CDKL5: variants seen among roughly 807,000 people sequenced by gnomAD.
CDKL5 encodes cyclin dependent kinase like 5, also known as cyclin-dependent kinase-like 5.
A neutral mutation model predicts 61.7 loss-of-function variants in CDKL5; 8 were observed. The observed-to-expected ratio is 0.13, with a 90% CI of 0.08 to 0.23. CDKL5 has a LOEUF of 0.23. Among genes scored for constraint, CDKL5 ranks in the 10% least tolerant of loss-of-function variants. The probability of loss-of-function intolerance (pLI) is 1.00; values close to 1 mark genes in which losing one functional copy is unlikely to be tolerated. For synonymous variants in CDKL5, 275 were observed against 272.3 expected (o/e 1.01, Z -0.10); for missense variants, 440 against 734.5 (o/e 0.60, Z 4.63).
intron 1 of CDKL5, among the ~76,000 whole-genome samples, chrX:18,432,667 G>A (rs1230098269): frequency 9.8e-6 from 1 of 102,333 alleles, no homozygotes; most frequent in Non-Finnish European, 2.0e-5. Flanking sequence ...GTGCAGTGGT[G>A]TGATCACGGC....
intron 1 of CDKL5, among the ~76,000 whole-genome samples, chrX:18,448,034 C>G (rs1329829798): frequency 1.8e-5 from 2 of 110,748 alleles, no homozygotes; most frequent in Non-Finnish European, 3.8e-5. Flanking sequence ...TTACATGCAT[C>G]AGCCACCATG....
Position 18,632,613 on chromosome X carries a change from G to T in CDKL5, c.*3856G>T, listed in dbSNP as rs1447511173. 1.3e-6 allele frequency: 1 copy of T among 753,276 alleles called. No individual in the cohort carries two copies. Among genetic ancestry groups the T allele is most frequent in the Non-Finnish European group, 1.6e-6 (1 of 639,219 alleles). 62.1% of individuals were successfully genotyped at this position (753,276 alleles called of 1,213,427 possible). On this transcript the variant is annotated 3_prime_UTR_variant, in exon 18 of 18. Coordinates refer to ENST00000623535, the MANE Select transcript of CDKL5 (RefSeq NM_001323289.2). ...TAGAAGTATTTGTGCTGTATGCTTTGGTTAAATCTGTTTTAAAACATGCTT... is the reference window on the plus strand; with the variant it reads ...TAGAAGTATTTGTGCTGTATGCTTTTGTTAAATCTGTTTTAAAACATGCTT...
intron 3 of CDKL5, among the ~76,000 whole-genome samples, chrX:18,549,097 A>G (rs1459177860): frequency 8.9e-6 from 1 of 111,886 alleles, no homozygotes; most frequent in African/African-American, 3.2e-5. Context: ...ATTTATTACC[A>G]TTTTTGCTCT....
intron 3 of CDKL5, among the ~76,000 whole-genome samples, chrX:18,513,110 C>T (rs1356250761): frequency 3.6e-5 from 4 of 111,957 alleles, no homozygotes; most frequent in Non-Finnish European, 7.5e-5. Context: ...AATGTTTTCT[C>T]CTAGTCATTG....
At chrX:18,641,014 G>GA (rs1022702275), downstream of CDKL5, 11 of 112,723 alleles carry the variant, frequency 9.8e-5, no homozygotes, top group African/African-American at 3.5e-4. Flanking sequence ...AGCTTTCAGG[G>GA]AAAAAGCTAC....
At chrX:18,430,334 A>C (rs1348722548) in intron 1 of CDKL5, among the ~76,000 whole-genome samples, 1 of 112,440 alleles carries the variant, frequency 8.9e-6, no homozygotes, top group Non-Finnish European at 1.9e-5. Context: ...TGGCTTAGAT[A>C]TACCCTTGAA....
chrX:18,545,596 T>A (rs1924163000), intron 3 of CDKL5, among the ~76,000 whole-genome samples: 2 of 112,561 alleles, frequency 1.8e-5, no homozygotes, highest in African/African-American at 3.2e-5. Context: ...TGTTTAAGTT[T>A]TTTCGTTCAT....
Position 18,631,251 on chromosome X carries a change from C to T in CDKL5, c.*2494C>T, listed in dbSNP as rs1282669058. ...GTCAATACGTACTTTTTGTACTTTC[C>T]CAGATTTGAGCCAGAAAATACCTAC... is the stretch of plus-strand genomic sequence containing the variant. On this transcript the variant is annotated 3_prime_UTR_variant, in exon 18 of 18. Transcript: ENST00000623535. The T allele has an allele frequency of 2.7e-6, 2 of 753,850 alleles. No individual in the cohort carries two copies. The highest frequency in any genetic ancestry group is 3.0e-4 in the East Asian group (2 of 6,673). 62.1% of individuals were successfully genotyped at this position (753,850 alleles called of 1,213,427 possible).
At position 18,638,937 on chromosome X, in the gene CDKL5, G is replaced by A. The variant is rs1034968471; in HGVS notation, c.*10180G>A. Among the ~76,000 whole-genome samples the A allele has an allele frequency of 8.9e-6, 1 of 111,804 alleles. No individual in the cohort carries two copies. Among genetic ancestry groups the A allele is most frequent in the Non-Finnish European group, 1.9e-5 (1 of 53,207 alleles). ...AAGGGTGCCAAGATCATTCAATGGG[G>A]GAAAGAATAGTCTTTTCAGCAAATA... On this transcript the variant is annotated 3_prime_UTR_variant, in exon 18 of 18. Transcript: ENST00000623535.
rs1467424296 is a variant in CDKL5 at position 18,588,131 on chromosome X, C to G, written c.732C>G (p.Phe244Leu). ...QMKLFYSNPRFHGLRFPAVNH... is the reference protein window; with the variant it reads ...QMKLFYSNPRLHGLRFPAVNH... ...AGCTTTTCTACAGTAATCCTCGCTT[C>G]CATGGGCTCCGGGTAAGAGGTTTTG... is the stretch of plus-strand genomic sequence containing the variant. Residue 244 changes from phenylalanine to leucine, a missense_variant, in exon 9 of 18, where the codon TTC becomes TTG. Physicochemically the swap from Phe to Leu is conservative, Grantham distance 22 (BLOSUM62 0). Transcript: ENST00000623535. 8.3e-7 allele frequency: 1 copy of G among 1,207,015 alleles called. No individual in the cohort carries two copies. Among genetic ancestry groups the G allele is most frequent in the Non-Finnish European group, 1.1e-6 (1 of 893,072 alleles).
intron 1 of CDKL5, 33 bp downstream of exon 1, chrX:18,425,728 C>G (rs1931345485): frequency 8.9e-6 from 1 of 111,988 alleles, no homozygotes; most frequent in Non-Finnish European, 1.9e-5. Context: ...GCCCGCCAAG[C>G]CTTCTTACCC....
Position 18,631,237 on chromosome X carries a change from C to T in CDKL5, c.*2480C>T, listed in dbSNP as rs1927228492. 2.7e-6 allele frequency: 2 copies of T among 751,584 alleles called. No individual in the cohort carries two copies. The highest frequency in any genetic ancestry group is 4.6e-5 in the African/African-American group (2 of 43,190). The allele number at this position is 751,584 out of a possible 1,213,427, so 61.9% of individuals were successfully genotyped here. On this transcript the variant is annotated 3_prime_UTR_variant, in exon 18 of 18. Transcript: ENST00000623535. Reference sequence around the variant, plus strand: ...CTAATTGTTGAAGAGTCAATACGTACTTTTTGTACTTTCCCAGATTTGAGC... The same window carrying T: ...CTAATTGTTGAAGAGTCAATACGTATTTTTTGTACTTTCCCAGATTTGAGC...
downstream of CDKL5, among the ~76,000 whole-genome samples, chrX:18,644,274 G>C (rs1927685923): frequency 8.9e-6 from 1 of 111,922 alleles, no homozygotes; most frequent in Non-Finnish European, 1.9e-5. Flanking sequence ...AGCAAGCCCA[G>C]GAAAGAGAGC....
At chrX:18,426,475 C>T (rs1931370878) in intron 1 of CDKL5, 1 of 112,537 alleles carries the variant, frequency 8.9e-6, no homozygotes, top group Non-Finnish European at 1.9e-5. Context: ...AGTGTAAAGG[C>T]AGATCTTCCT....
intron 10 of CDKL5, among the ~76,000 whole-genome samples, chrX:18,596,579 C>A (rs1246522514): frequency 1.8e-5 from 2 of 111,976 alleles, no homozygotes; most frequent in Admixed American, 1.9e-4. Context: ...CCCTTAAAGC[C>A]TTTTGTTTAA....
chrX:18,634,146 A>T lies in CDKL5; in HGVS notation c.*5389A>T, dbSNP rs1395598708. ...ATCTGAAAATCGGTCTCCATGTTGTATGCAGATTAGAAGTTGCCTTGTTTG... is the reference window on the plus strand; with the variant it reads ...ATCTGAAAATCGGTCTCCATGTTGTTTGCAGATTAGAAGTTGCCTTGTTTG... On this transcript the variant is annotated 3_prime_UTR_variant, in exon 18 of 18. Transcript: ENST00000623535. 1 of 751,966 alleles carries T rather than the reference A, an allele frequency of 1.3e-6. No homozygotes were observed. The highest frequency in any genetic ancestry group is 8.9e-5 in the Admixed American group (1 of 11,270). 62.0% of individuals were successfully genotyped at this position (751,966 alleles called of 1,213,427 possible).
rs1183948288 is a variant in CDKL5 at position 18,632,648 on chromosome X, C to T, written c.*3891C>T. On this transcript the variant is annotated 3_prime_UTR_variant, in exon 18 of 18. Transcript: ENST00000623535. ...GTTTTAAAACATGCTTTAAGATTCA[C>T]CTTACGCAGTTGTACTTTAATTCTA... 8.0e-6 allele frequency: 6 copies of T among 752,664 alleles called. No individual in the cohort carries two copies. In the African/African-American group the frequency reaches 1.4e-4, roughly 17 times the overall value. The allele number at this position is 752,664 out of a possible 1,213,427, so 62.0% of individuals were successfully genotyped here.
At chrX:18,580,129 A>G (rs1277519223) in intron 6 of CDKL5, among the ~76,000 whole-genome samples, 161 bp downstream of exon 6, 3 of 112,553 alleles carry the variant, frequency 2.7e-5, no homozygotes, top group African/African-American at 6.4e-5. Context: ...TTTGCTCTCC[A>G]TATCTCCTTT....
Position 18,604,433 on chromosome X carries a change from A to T in CDKL5, c.1509A>T (p.Glu503Asp), listed in dbSNP as rs1337552469. ...SDSKSVSNLS[E>D]ARAQIAEPST... ...CCAAGTCTGTGAGCAACCTTTCTGA[A>T]GCCAGGGCCCAAATTGCGGAGCCCA... is the stretch of plus-strand genomic sequence containing the variant. Residue 503 changes from glutamate (E) to aspartate (D), a missense_variant, in exon 12 of 18, where the codon GAA becomes GAT. Transcript: ENST00000623535. 8.3e-7 allele frequency: 1 copy of T among 1,211,689 alleles called. No individual in the cohort carries two copies. The highest frequency in any genetic ancestry group is 2.2e-5 in the Admixed American group (1 of 46,054).
Sources: allele counts gnomAD v4.1 joint callset (sites outside exome capture counted in the v4.1 genomes callset), GRCh38; gene constraint gnomAD v4.1.1; transcripts MANE v1.5; gene names NCBI Gene and HGNC (gene_info 2026-07-23, HGNC 2026-07-21).